Variants in CSMD1 observed in about 807,000 individuals in gnomAD.
CSMD1 encodes CUB and Sushi multiple domains 1, also known as CUB and sushi domain-containing protein 1.
In CSMD1, 213 loss-of-function variants were observed where a neutral mutation model predicts 417.5. The ratio of observed to expected loss-of-function variants is 0.51; its 90% CI spans 0.46 to 0.57. The LOEUF (loss-of-function observed/expected upper bound fraction) is 0.57, where lower values mean the gene tolerates loss of function less well. CSMD1 is among the 20% of genes least tolerant of loss of function. The pLI is 0.00. For missense variants in CSMD1, 6,923 were observed against 4,529.7 expected (o/e 1.53, Z -15.17); for synonymous variants, 2,862 against 1,736.8 (o/e 1.65, Z -16.11).
In CSMD1 at chr8:4,405,528, T is replaced by C. The variant is rs138462951; in HGVS notation, c.415+14425A>G. ...CCCAGCACAGCGGCTTAACAAAAAA[T>C]TATAGTAAGTGCCATGAAACCATCA... On this transcript the variant is annotated intron_variant, in intron 3 of 69. Coordinates refer to ENST00000635120, the MANE Select transcript of CSMD1 (RefSeq NM_033225.6). 1.7e-3 allele frequency among the ~76,000 whole-genome samples: 254 copies of C among 152,266 alleles called. 1 individual carries two copies. Among genetic ancestry groups the C allele is most frequent in the Middle Eastern group, 0.01 (3 of 294 alleles).
chr8:4,367,554 C>A (rs927982280), intron 3 of CSMD1, among the ~76,000 whole-genome samples: 3 of 152,056 alleles, frequency 2.0e-5, no homozygotes, highest in African/African-American at 7.2e-5. Flanking sequence ...GCTCTTTGGG[C>A]TCCATATAAA....
intron 3 of CSMD1, among the ~76,000 whole-genome samples, chr8:4,413,061 G>A (rs544684924): frequency 2.6e-5 from 4 of 152,226 alleles, no homozygotes; most frequent in South Asian, 2.1e-4. Flanking sequence ...ACAAAATTAC[G>A]CATATAATTT....
At chr8:3,315,450 G>GTGTGTGTA (rs748910831) in intron 23 of CSMD1, among the ~76,000 whole-genome samples, 1 of 127,794 alleles carries the variant, frequency 7.8e-6, no homozygotes, top group Non-Finnish European at 1.9e-5. Context: ...GTGTGTGTGT[G>GTGTGTGTA]TGTGTGTGTG....
intron 6 of CSMD1, among the ~76,000 whole-genome samples, chr8:3,753,187 G>C (rs1385849548): frequency 6.6e-6 from 1 of 152,194 alleles, no homozygotes; most frequent in African/African-American, 2.4e-5. Flanking sequence ...GGAAAGCTTA[G>C]GCACTTTGAT....
At chr8:3,797,364 C>T (rs749441957) in intron 5 of CSMD1, among the ~76,000 whole-genome samples, 5 of 151,960 alleles carry the variant, frequency 3.3e-5, no homozygotes, top group Non-Finnish European at 7.4e-5. Flanking sequence ...GTAGAGCCCA[C>T]ACCCCGGATG....
intron 6 of CSMD1, among the ~76,000 whole-genome samples, chr8:3,711,502 A>C (rs13248756): frequency 6.6e-6 from 1 of 152,146 alleles, no homozygotes; most frequent in East Asian, 1.9e-4. Context: ...TGCACTACGG[A>C]ACTCTCAGAG....
chr8:3,691,445 G>C lies in CSMD1; in HGVS notation c.1009+16969C>G, dbSNP rs918299504. 3.9e-5 allele frequency among the ~76,000 whole-genome samples: 6 copies of C among 152,078 alleles called. No homozygotes were observed. In the South Asian group the frequency reaches 1.2e-3, roughly 31 times the overall value. ...CTGTGTCAATGAAGAGAAGATTGGC[G>C]CTTCCTTTATGCAACACAGTCTGTA... On this transcript the variant is annotated intron_variant, in intron 7 of 69. Transcript: ENST00000635120.
intron 2 of CSMD1, among the ~76,000 whole-genome samples, chr8:4,455,615 C>G (rs574334420): frequency 6.6e-6 from 1 of 151,848 alleles, no homozygotes. Flanking sequence ...ATCTTATTTT[C>G]TCTTTCAGGA....
intron 25 of CSMD1, among the ~76,000 whole-genome samples, chr8:3,305,926 T>A (rs569985987): frequency 1.6e-4 from 25 of 152,262 alleles, no homozygotes; most frequent in African/African-American, 5.1e-4. Flanking sequence ...GTGATTTGCC[T>A]GCCTTGGCCT....
chr8:3,379,755 G>A (rs1441270033), intron 18 of CSMD1, among the ~76,000 whole-genome samples: 1 of 152,062 alleles, frequency 6.6e-6, no homozygotes, highest in African/African-American at 2.4e-5. Context: ...ACTCAAGATG[G>A]ATTAAAGACT....
At chr8:3,410,520 A>C (rs1812620342) in intron 12 of CSMD1, among the ~76,000 whole-genome samples, 2 of 152,072 alleles carry the variant, frequency 1.3e-5, no homozygotes, top group Admixed American at 1.3e-4. Context: ...TCTAAGGGGG[A>C]GTTGCCCTGC....
At chr8:4,766,386 C>A (rs990029693) in intron 1 of CSMD1, among the ~76,000 whole-genome samples, 3 of 152,110 alleles carry the variant, frequency 2.0e-5, no homozygotes, top group Admixed American at 6.6e-5. Context: ...GTGGATTGAA[C>A]GAGAACATCG....
rs1322143733 is a variant in CSMD1, at chr8:4,713,283, G to C, written c.86-75725C>G. Among the ~76,000 whole-genome samples the C allele has an allele frequency of 3.3e-5, 5 of 152,384 alleles. No homozygotes were observed. The South Asian group carries it at 6.2e-4, about 19-fold the overall frequency. On this transcript the variant is annotated intron_variant, in intron 1 of 69. Transcript: ENST00000635120. ...TGCGGAGCAGGAGAGTGTAGTTTAA[G>C]TTGGTTTTTGGAAACCTGGGATGCT... is the stretch of plus-strand genomic sequence containing the variant.
chr8:4,395,977 TTC>T (rs965207431), intron 3 of CSMD1, among the ~76,000 whole-genome samples: 5 of 152,320 alleles, frequency 3.3e-5, no homozygotes, highest in South Asian at 4.1e-4. Context: ...GATAAATATA[TTC>T]TGTTACTTTT....
chr8:4,149,265 G>T (rs756313618), intron 3 of CSMD1, among the ~76,000 whole-genome samples: 1 of 151,996 alleles, frequency 6.6e-6, no homozygotes. Context: ...TGCCCAGCCC[G>T]TAATTTTCAT....
intron 30 of CSMD1, among the ~76,000 whole-genome samples, chr8:3,206,439 A>ATG (rs1797273236): frequency 2.8e-5 from 1 of 35,856 alleles, no homozygotes; most frequent in Admixed American, 4.1e-4. Context: ...GTGTGGGTGT[A>ATG]TGTGTGTGTG....
chr8:3,982,976 A>T (rs913328260), intron 5 of CSMD1, among the ~76,000 whole-genome samples: 3 of 152,080 alleles, frequency 2.0e-5, no homozygotes, highest in Non-Finnish European at 4.4e-5. Context: ...AACAAACGAC[A>T]AATAGGGCCC....
chr8:4,121,852 T>C (rs2130945788), intron 3 of CSMD1, among the ~76,000 whole-genome samples: 1 of 152,230 alleles, frequency 6.6e-6, no homozygotes, highest in East Asian at 1.9e-4. Context: ...AGCATTCTTT[T>C]TTCAATACTC....
At chr8:4,908,643 C>T (rs1805462075) in intron 1 of CSMD1, among the ~76,000 whole-genome samples, 2 of 151,130 alleles carry the variant, frequency 1.3e-5, no homozygotes, top group African/African-American at 2.4e-5. Flanking sequence ...TTCAGTCTAG[C>T]AATGAGTCCA....
Sources: allele counts gnomAD v4.1 joint callset (sites outside exome capture counted in the v4.1 genomes callset), GRCh38; gene constraint gnomAD v4.1.1; transcripts MANE v1.5; gene names NCBI Gene and HGNC (gene_info 2026-07-23, HGNC 2026-07-21).